The following CHN2 variants were observed in gnomAD, a reference collection of about 807,000 sequenced individuals.
CHN2 encodes beta-chimaerin.
In CHN2, 35 loss-of-function variants were observed where a neutral mutation model predicts 56.3. The ratio of observed to expected loss-of-function variants is 0.62; its 90% CI spans 0.47 to 0.82. The LOEUF (loss-of-function observed/expected upper bound fraction) is 0.82, where lower values mean the gene tolerates loss of function less well. Among genes scored for constraint, CHN2 ranks in the 40% least tolerant of loss-of-function variants. The pLI, the probability that CHN2 is intolerant of heterozygous loss-of-function variation, is 0.00. For missense variants in CHN2, 491 were observed against 580.5 expected, an observed-to-expected ratio of 0.85 and a Z score of 1.58; for synonymous variants, 210 against 212.8, an observed-to-expected ratio of 0.99 and a Z score of 0.12.
chr7:29,285,783 C>A (rs1792096160), intron 1 of CHN2, among the ~76,000 whole-genome samples: 1 of 152,156 alleles, frequency 6.6e-6, no homozygotes, highest in Admixed American at 6.5e-5. Context: ...TTGCTCTTCT[C>A]CCTAGCATCA....
chr7:29,327,093 G>A (rs529800695), intron 1 of CHN2, among the ~76,000 whole-genome samples: 85 of 152,284 alleles, frequency 5.6e-4, no homozygotes, highest in South Asian at 5.0e-3. Flanking sequence ...TTAAGTCAGG[G>A]ATGAGGAAGC....
intron 2 of CHN2, among the ~76,000 whole-genome samples, chr7:29,159,866 C>T (rs1794942024): frequency 6.6e-6 from 1 of 152,150 alleles, no homozygotes; most frequent in South Asian, 2.1e-4. Flanking sequence ...AATGCAAGTG[C>T]CTAGAACAGT....
chr7:29,251,352 G>A (rs1300474101), intron 1 of CHN2, among the ~76,000 whole-genome samples: 1 of 152,122 alleles, frequency 6.6e-6, no homozygotes, highest in East Asian at 1.9e-4. Flanking sequence ...TACTTAGGAG[G>A]CTGAGGTGGG....
At chr7:29,403,225 A>T (rs1171102277) in intron 6 of CHN2, among the ~76,000 whole-genome samples, 1 of 149,564 alleles carries the variant, frequency 6.7e-6, no homozygotes, top group East Asian at 2.0e-4. Flanking sequence ...CTTGCCAGAG[A>T]TTCTGTTTCC....
intron 6 of CHN2, among the ~76,000 whole-genome samples, chr7:29,455,043 A>T (rs975919069): frequency 1.3e-5 from 2 of 152,176 alleles, no homozygotes; most frequent in African/African-American, 4.8e-5. Flanking sequence ...GACATTCAAC[A>T]GCCAGGAATG....
intron 1 of CHN2, among the ~76,000 whole-genome samples, chr7:29,231,263 G>A (rs1004500237): frequency 1.3e-5 from 2 of 152,140 alleles, no homozygotes; most frequent in East Asian, 1.9e-4. Context: ...ATACTGCCAC[G>A]GTACTCTGCA....
chr7:29,321,007 C>G (rs1795301435), intron 1 of CHN2, among the ~76,000 whole-genome samples: 1 of 152,200 alleles, frequency 6.6e-6, no homozygotes, highest in South Asian at 2.1e-4. Flanking sequence ...AAAGTGGCTT[C>G]TTTTAAAACT....
At chr7:29,315,706 C>G (rs937736095) in intron 1 of CHN2, among the ~76,000 whole-genome samples, 3 of 152,050 alleles carry the variant, frequency 2.0e-5, no homozygotes, top group Non-Finnish European at 4.4e-5. Context: ...ATTTCTCAAC[C>G]TCTCACTTTG....
chr7:29,281,571 C>G, intron 1 of CHN2, among the ~76,000 whole-genome samples: 1 of 152,140 alleles, frequency 6.6e-6, no homozygotes, highest in South Asian at 2.1e-4. Context: ...CTCCAAGTTC[C>G]CCTCCTATTG....
intron 6 of CHN2, among the ~76,000 whole-genome samples, chr7:29,445,451 A>T (rs1371495392): frequency 6.6e-6 from 1 of 152,200 alleles, no homozygotes; most frequent in Admixed American, 6.5e-5. Flanking sequence ...TGCATAAATT[A>T]TGCAAAATCC....
At chr7:29,225,667 A>G (rs1298028622) in intron 1 of CHN2, among the ~76,000 whole-genome samples, 1 of 152,194 alleles carries the variant, frequency 6.6e-6, no homozygotes, top group Non-Finnish European at 1.5e-5. Context: ...CCAGAAGTAG[A>G]GCAAAGCTGA....
At chr7:29,263,970 TG>T (rs1225314809) in intron 1 of CHN2, among the ~76,000 whole-genome samples, 3 of 114,120 alleles carry the variant, frequency 2.6e-5, no homozygotes, top group African/African-American at 1.4e-4. Flanking sequence ...GTCTGGGAGG[TG>T]GGGGGGCAGC....
chr7:29,263,081 CG>C (rs1789703325), intron 1 of CHN2, among the ~76,000 whole-genome samples: 1 of 152,224 alleles, frequency 6.6e-6, no homozygotes, highest in African/African-American at 2.4e-5. Flanking sequence ...GATGCCGAGC[CG>C]AGGCTGGACT....
intron 1 of CHN2, among the ~76,000 whole-genome samples, chr7:29,278,187 C>G (rs1791383983): frequency 6.6e-6 from 1 of 152,172 alleles, no homozygotes. Context: ...ACATTGAAAT[C>G]AACTGAGGAG....
rs548252218 is a variant in CHN2 at position 29,293,967 on chromosome 7, C to T, written c.50-60658C>T. On this transcript the variant is annotated intron_variant, in intron 1 of 12. Transcript: ENST00000222792. ...CTGCAAGCTCCGCCTCCCGGGTTCACGCCATTCTCCTGCCTCAGCCTCCCG... is the reference window on the plus strand; with the variant it reads ...CTGCAAGCTCCGCCTCCCGGGTTCATGCCATTCTCCTGCCTCAGCCTCCCG... 4.7e-5 allele frequency among the ~76,000 whole-genome samples: 7 copies of T among 150,364 alleles called. No individual in the cohort carries two copies. The East Asian group carries it at 7.9e-4, about 17-fold the overall frequency.
chr7:29,285,410 G>A (rs115473238), intron 1 of CHN2, among the ~76,000 whole-genome samples: 3,351 of 152,282 alleles, frequency 0.022, 128 homozygotes, highest in African/African-American at 0.076. Flanking sequence ...TTCTCTCCTA[G>A]TGTTTGCCTG....
intron 1 of CHN2, among the ~76,000 whole-genome samples, chr7:29,297,909 G>C (rs947309956): frequency 1.6e-4 from 24 of 152,112 alleles, no homozygotes; most frequent in African/African-American, 5.1e-4. Context: ...ATTTGAAAGG[G>C]GTACAGACTG....
chr7:29,363,334 A>T (rs1341511869), intron 2 of CHN2, among the ~76,000 whole-genome samples: 2 of 152,132 alleles, frequency 1.3e-5, no homozygotes, highest in Admixed American at 6.5e-5. Context: ...AAAATACAAA[A>T]ATTAGCCAGG....
chr7:29,275,619 C>T (rs1228979557), intron 1 of CHN2, among the ~76,000 whole-genome samples: 1 of 152,158 alleles, frequency 6.6e-6, no homozygotes, highest in Non-Finnish European at 1.5e-5. Flanking sequence ...GCTAAGTACT[C>T]GGTATGTAAT....
Sources: allele counts gnomAD v4.1 joint callset (sites outside exome capture counted in the v4.1 genomes callset), GRCh38; gene constraint gnomAD v4.1.1; transcripts MANE v1.5; gene names NCBI Gene and HGNC (gene_info 2026-07-23, HGNC 2026-07-21).